The following INPP5D variants were observed in gnomAD, a reference collection of about 807,000 sequenced individuals.
INPP5D encodes phosphatidylinositol 3,4,5-trisphosphate 5-phosphatase 1.
Under a neutral mutation model 122.9 loss-of-function variants are expected in INPP5D, and 33 were observed. The ratio of observed to expected loss-of-function variants is 0.27; its 90% CI spans 0.20 to 0.36. The LOEUF is 0.36. Among genes scored for constraint, INPP5D ranks in the 10% least tolerant of loss-of-function variants. INPP5D has a pLI of 1.00. For missense variants in INPP5D, 1,053 were observed against 1,412.7 expected (o/e 0.75, Z 4.08); for synonymous variants, 584 against 576.2 (o/e 1.01, Z -0.19).
At chr2:233,077,049 G>A (rs1014638124) in intron 1 of INPP5D, among the ~76,000 whole-genome samples, 2 of 152,148 alleles carry the variant, frequency 1.3e-5, no homozygotes, top group Admixed American at 6.5e-5. Context: ...ACGTCAACAC[G>A]TGTACAGCAC....
intron 6 of INPP5D, among the ~76,000 whole-genome samples, chr2:233,144,981 G>T (rs1184475304): frequency 6.6e-6 from 1 of 152,070 alleles, no homozygotes; most frequent in Non-Finnish European, 1.5e-5. Flanking sequence ...TGAGCAAGGG[G>T]TGAGGTAAAG....
At chr2:233,162,685 C>T (rs970639456) in intron 11 of INPP5D, among the ~76,000 whole-genome samples, 9 of 152,118 alleles carry the variant, frequency 5.9e-5, no homozygotes, top group Non-Finnish European at 1.0e-4. Context: ...TGTCCCCTAC[C>T]CTTGTCCTGA....
intron 1 of INPP5D, among the ~76,000 whole-genome samples, chr2:233,074,060 C>T (rs989628395): frequency 1.4e-4 from 21 of 152,130 alleles, no homozygotes; most frequent in Non-Finnish European, 2.6e-4. Context: ...GGAAAATGCC[C>T]TTTTCTGGAT....
chr2:233,148,247 A>G (rs148640837), intron 9 of INPP5D, among the ~76,000 whole-genome samples: 148,293 of 152,344 alleles, frequency 0.97, 72,262 homozygotes, highest in East Asian at 1. Context: ...TGCATTGAGT[A>G]GCCGATAGAG....
chr2:233,063,072 G>A lies in INPP5D; in HGVS notation c.134+2460G>A, dbSNP rs1691117198. 2.0e-5 allele frequency among the ~76,000 whole-genome samples: 3 copies of A among 152,150 alleles called. No homozygotes were observed. In the South Asian group the frequency reaches 6.2e-4, roughly 32 times the overall value. ...CCACCCTTAGTTTTCTGTGTTCCCT[G>A]CAGAGTCGCCGTGGCCTGACGGAGA... On this transcript the variant is annotated intron_variant, in intron 1 of 26. Transcript: ENST00000445964.
intron 25 of INPP5D, among the ~76,000 whole-genome samples, chr2:233,202,278 A>G (rs1695360089): frequency 1.3e-5 from 2 of 152,156 alleles, no homozygotes; most frequent in South Asian, 4.1e-4. Context: ...CCCTTGGCTA[A>G]CTCACAGCAA....
Position 233,206,780 on chromosome 2 carries a change from A to C in INPP5D, c.*72A>C. 1.4e-6 allele frequency: 1 copy of C among 731,732 alleles called. No homozygotes were observed. Among genetic ancestry groups the C allele is most frequent in the Non-Finnish European group, 2.5e-6 (1 of 392,908 alleles). The allele number at this position is 731,732 out of a possible 1,614,324, so 45.3% of individuals were successfully genotyped here. On this transcript the variant is annotated 3_prime_UTR_variant, in exon 27 of 27. Transcript: ENST00000445964. The surrounding 1 kb of genome is among the most constrained non-coding windows in gnomAD (Gnocchi z 4.0). ...TGAAGCCACTGGACCCTCTCCCGGG[A>C]CCTCCTGCTGGCTCCTCCTGCCCAG... is the stretch of plus-strand genomic sequence containing the variant.
intron 6 of INPP5D, among the ~76,000 whole-genome samples, chr2:233,144,539 GTGGTGGTGGTGATGGTGAGGGTGGAGA>G (rs1449641448): frequency 1.3e-3 from 139 of 110,250 alleles, no homozygotes; most frequent in Admixed American, 2.0e-3. Flanking sequence ...GAGGGTGGAG[GTGGTGGTGGTGATGGTGAGGGTGGAGA>G]TGGTGGTAGT....
At chr2:233,156,422 T>TG (rs1694055365) in intron 9 of INPP5D, among the ~76,000 whole-genome samples, 1 of 152,246 alleles carries the variant, frequency 6.6e-6, no homozygotes, top group Non-Finnish European at 1.5e-5. Flanking sequence ...CCTGAGTGGC[T>TG]GGGACTACAG....
intron 2 of INPP5D, among the ~76,000 whole-genome samples, chr2:233,118,131 C>T (rs13432536): frequency 0.12 from 17,560 of 152,168 alleles, 1,997 homozygotes; most frequent in African/African-American, 0.3. Context: ...TCCTGCTGGC[C>T]TGTGGATGTC....
At chr2:233,138,575 T>A (rs918278144) in intron 5 of INPP5D, among the ~76,000 whole-genome samples, 1 of 152,108 alleles carries the variant, frequency 6.6e-6, no homozygotes, top group Non-Finnish European at 1.5e-5. Flanking sequence ...AGTACAGTCA[T>A]TGGAGCTATT....
At chr2:233,184,281 C>G (rs555536405) in intron 19 of INPP5D, 127 bp from the exon 20 acceptor site, 1 of 1,343,100 alleles carries the variant, frequency 7.4e-7, no homozygotes, top group East Asian at 2.5e-5. Context: ...CTTTAGTTCT[C>G]CTCCCACTAG....
At chr2:233,140,496 G>A (rs926955548) in intron 6 of INPP5D, 16 of 152,246 alleles carry the variant, frequency 1.1e-4, no homozygotes, top group African/African-American at 3.9e-4. Context: ...TACAGACGAA[G>A]TATTCATGTT....
At chr2:233,065,638 T>G (rs1448928800) in intron 1 of INPP5D, among the ~76,000 whole-genome samples, 1 of 10,114 alleles carries the variant, frequency 9.9e-5, no homozygotes, top group Admixed American at 7.2e-4. Context: ...TTTCTTTCTT[T>G]CTTTCTTTCT....
At chr2:233,063,222 C>T (rs916496467) in intron 1 of INPP5D, among the ~76,000 whole-genome samples, 1 of 152,202 alleles carries the variant, frequency 6.6e-6, no homozygotes, top group Non-Finnish European at 1.5e-5. Context: ...CTAGAAGTGA[C>T]TGCAGAAGGA....
intron 1 of INPP5D, among the ~76,000 whole-genome samples, chr2:233,069,560 C>T (rs561070202): frequency 3.7e-4 from 56 of 152,250 alleles, no homozygotes; most frequent in African/African-American, 1.3e-3. Flanking sequence ...AGATTTCTAG[C>T]AGCATTAGCA....
At chr2:233,181,940 A>T (rs545083820) in intron 18 of INPP5D, among the ~76,000 whole-genome samples, 1 of 152,240 alleles carries the variant, frequency 6.6e-6, no homozygotes, top group East Asian at 1.9e-4. Flanking sequence ...TACAAAATGC[A>T]CAAAGATTAG....
intron 22 of INPP5D, among the ~76,000 whole-genome samples, chr2:233,192,335 G>A (rs565482340): frequency 8.3e-4 from 126 of 152,070 alleles, no homozygotes; most frequent in African/African-American, 2.9e-3. Context: ...TGTTTCTTCC[G>A]CTTCATATTC....
At chr2:233,091,267 T>C (rs550910703) in intron 2 of INPP5D, among the ~76,000 whole-genome samples, 12 of 152,336 alleles carry the variant, frequency 7.9e-5, no homozygotes, top group Non-Finnish European at 1.2e-4. Flanking sequence ...ACTCCTGTTT[T>C]TTCTTCATAG....
Sources: allele counts gnomAD v4.1 joint callset (sites outside exome capture counted in the v4.1 genomes callset), GRCh38; gene constraint gnomAD v4.1.1; non-coding constraint Gnocchi (gnomAD v3.1); transcripts MANE v1.5; gene names NCBI Gene and HGNC (gene_info 2026-07-23, HGNC 2026-07-21).